The following RUNX2 variants were observed in gnomAD, a reference collection of about 807,000 sequenced individuals.
RUNX2 encodes runt-related transcription factor 2.
In RUNX2, 10 loss-of-function variants were observed where a neutral mutation model predicts 51.7. The ratio of observed to expected loss-of-function variants is 0.19; its 90% CI spans 0.12 to 0.33. The LOEUF is 0.33. RUNX2 is among the 10% of genes least tolerant of loss of function. RUNX2 has a pLI of 1.00. For synonymous variants in RUNX2, 276 were observed against 273.6 expected (o/e 1.01, Z -0.09); for missense variants, 562 against 691.3 (o/e 0.81, Z 2.10).
chr6:45,425,893 TACAC>T (rs71792619), intron 3 of RUNX2, among the ~76,000 whole-genome samples: 3 of 150,968 alleles, frequency 2.0e-5, no homozygotes, highest in South Asian at 2.1e-4. Context: ...AACACACACA[TACAC>T]ACACACACAC....
At chr6:45,386,856 G>T (rs1040841212) in intron 2 of RUNX2, among the ~76,000 whole-genome samples, 5 of 152,190 alleles carry the variant, frequency 3.3e-5, no homozygotes, top group Non-Finnish European at 7.4e-5. Flanking sequence ...ATCAAATAAA[G>T]TCTTGGGCAT....
intron 7 of RUNX2, among the ~76,000 whole-genome samples, chr6:45,517,323 AG>A (rs1243251555): frequency 6.6e-6 from 1 of 152,112 alleles, no homozygotes; most frequent in Non-Finnish European, 1.5e-5. Flanking sequence ...CTGGGACTAA[AG>A]GCCTGCACCA....
At chr6:45,387,923 G>T (rs901405009) in intron 2 of RUNX2, among the ~76,000 whole-genome samples, 1 of 152,210 alleles carries the variant, frequency 6.6e-6, no homozygotes, top group Non-Finnish European at 1.5e-5. Flanking sequence ...CTTGGTTATA[G>T]TGACTTGGAA....
intron 2 of RUNX2, among the ~76,000 whole-genome samples, chr6:45,383,957 T>C (rs1242675550): frequency 6.6e-6 from 1 of 152,260 alleles, no homozygotes; most frequent in Non-Finnish European, 1.5e-5. Flanking sequence ...TTCACCAGGT[T>C]ACTTTGTTTT....
At chr6:45,491,849 A>G in intron 5 of RUNX2, 92 bp from the exon 6 acceptor site, 1 of 1,306,522 alleles carries the variant, frequency 7.7e-7, no homozygotes, top group Non-Finnish European at 1.1e-6. Flanking sequence ...TCCTTGGCTT[A>G]AACTCCCAGT....
intron 2 of RUNX2, among the ~76,000 whole-genome samples, chr6:45,352,839 TAGTC>T (rs1168272178): frequency 2.0e-5 from 3 of 152,082 alleles, no homozygotes; most frequent in African/African-American, 4.8e-5. Flanking sequence ...ATAATTCTAT[TAGTC>T]AGAATGCAGT....
intron 7 of RUNX2, among the ~76,000 whole-genome samples, chr6:45,517,942 C>T (rs1473019249): frequency 6.6e-6 from 1 of 152,146 alleles, no homozygotes; most frequent in African/African-American, 2.4e-5. Flanking sequence ...TTGAAACCAG[C>T]AGCTTCGTAA....
At chr6:45,432,198 T>C (rs1405846424) in intron 4 of RUNX2, among the ~76,000 whole-genome samples, 179 bp downstream of exon 4, 1 of 152,228 alleles carries the variant, frequency 6.6e-6, no homozygotes, top group Non-Finnish European at 1.5e-5. Context: ...GCCTTTTTCA[T>C]TTATTTTATG....
intron 2 of RUNX2, among the ~76,000 whole-genome samples, chr6:45,410,390 A>G (rs201543659): frequency 6.6e-6 from 1 of 152,240 alleles, no homozygotes; most frequent in East Asian, 1.9e-4. Flanking sequence ...GCATTAATAG[A>G]ATCAGGTGAT....
chr6:45,404,280 A>T (rs1797785200), intron 2 of RUNX2, among the ~76,000 whole-genome samples: 2 of 140,760 alleles, frequency 1.4e-5, no homozygotes. Context: ...AAAAAGAAAA[A>T]GAAAAAAGAA....
intron 2 of RUNX2, among the ~76,000 whole-genome samples, chr6:45,402,883 A>G (rs1210845840): frequency 6.6e-6 from 1 of 152,032 alleles, no homozygotes; most frequent in African/African-American, 2.4e-5. Context: ...AACAGCTCCC[A>G]CTCCCCTATC....
In RUNX2 at chr6:45,547,040, G is replaced by A. The variant is rs1210047580; in HGVS notation, c.1301G>A (p.Ser434Asn). Residue 434 changes from serine to asparagine, a missense_variant, in exon 9 of 9, where the codon AGT becomes AAT. Around this residue, in one of 5 missense-constraint regions of RUNX2, gnomAD observed 304 missense variants for 353.2 expected, o/e 0.86. Transcript: ENST00000647337. ...TACCCCGGCTCTTCCCAAAGCCAGA[G>A]TGGACCCTTCCAGACCAGCAGCACT... ...PPYPGSSQSQ[S>N]GPFQTSSTPY... is the part of the protein sequence containing the mutation. 1.2e-6 allele frequency: 2 copies of A among 1,613,962 alleles called. No individual in the cohort carries two copies. Among genetic ancestry groups the A allele is most frequent in the East Asian group, 2.2e-5 (1 of 44,872 alleles).
intron 3 of RUNX2, among the ~76,000 whole-genome samples, chr6:45,430,642 C>T (rs543954801): frequency 6.6e-6 from 1 of 151,996 alleles, no homozygotes; most frequent in Non-Finnish European, 1.5e-5. Flanking sequence ...GAATTAAATG[C>T]TTAGGTTTGT....
At position 45,448,001 on chromosome 6, in the gene RUNX2, A is replaced by G. The variant is rs189667807; in HGVS notation, c.685+9950A>G. 1.8e-3 allele frequency among the ~76,000 whole-genome samples: 267 copies of G among 152,348 alleles called. 1 individual carries two copies. Among genetic ancestry groups the G allele is most frequent in the African/African-American group, 6.0e-3 (251 of 41,576 alleles). ...TTTGTATTGAAACTTTCAGGTCATT[A>G]TTATCAGGTTAGCTGGAGTAGTATT... On this transcript the variant is annotated intron_variant, in intron 5 of 8. Transcript: ENST00000647337.
At chr6:45,469,230 G>C (rs1799727703) in intron 5 of RUNX2, among the ~76,000 whole-genome samples, 1 of 152,142 alleles carries the variant, frequency 6.6e-6, no homozygotes, top group African/African-American at 2.4e-5. Flanking sequence ...TGTTATAAGA[G>C]GTTATATTCC....
chr6:45,332,662 G>A (rs538091180), intron 2 of RUNX2, among the ~76,000 whole-genome samples: 2 of 151,796 alleles, frequency 1.3e-5, no homozygotes, highest in South Asian at 2.1e-4. Context: ...CATTTTATAT[G>A]AAGGATTCAC....
chr6:45,463,984 G>C (rs1354787636), intron 5 of RUNX2, among the ~76,000 whole-genome samples: 1 of 152,162 alleles, frequency 6.6e-6, no homozygotes, highest in Non-Finnish European at 1.5e-5. Flanking sequence ...ACGAGGTCAG[G>C]AGATCGAGAC....
chr6:45,362,976 T>A (rs958398905), intron 2 of RUNX2, among the ~76,000 whole-genome samples: 1 of 152,104 alleles, frequency 6.6e-6, no homozygotes, highest in Non-Finnish European at 1.5e-5. Flanking sequence ...TTGGTTTTTT[T>A]AATATTTTAT....
chr6:45,334,626 TG>T (rs1223726513), intron 2 of RUNX2, among the ~76,000 whole-genome samples: 1 of 151,090 alleles, frequency 6.6e-6, no homozygotes, highest in East Asian at 1.9e-4. Context: ...ACAAAATACG[TG>T]TCATATATGT....
Sources: allele counts gnomAD v4.1 joint callset (sites outside exome capture counted in the v4.1 genomes callset), GRCh38; gene constraint gnomAD v4.1.1; regional missense constraint gnomAD v4.1.1; transcripts MANE v1.5; gene names NCBI Gene and HGNC (gene_info 2026-07-23, HGNC 2026-07-21).